The following MMS22L variants were observed in gnomAD, a reference collection of about 807,000 sequenced individuals.
MMS22L encodes the protein MMS22 like, DNA repair protein, also known as protein MMS22-like.
A neutral mutation model predicts 159.1 loss-of-function variants in MMS22L; 74 were observed. That is an observed-to-expected ratio of 0.47 (90% CI 0.39 to 0.56). The LOEUF (loss-of-function observed/expected upper bound fraction) is 0.56, where lower values mean the gene tolerates loss of function less well. Ranked by LOEUF, MMS22L falls within the 20% of genes least tolerant of loss-of-function variation. The probability of loss-of-function intolerance (pLI) is 0.00; values close to 1 mark genes in which losing one functional copy is unlikely to be tolerated. For missense variants in MMS22L, 1,351 were observed against 1,422.1 expected, an observed-to-expected ratio of 0.95 and a Z score of 0.80; for synonymous variants, 517 against 506.9, an observed-to-expected ratio of 1.02 and a Z score of -0.27.
intron 14 of MMS22L, among the ~76,000 whole-genome samples, chr6:97,223,395 T>C (rs1358874003): frequency 6.6e-6 from 1 of 152,098 alleles, no homozygotes; most frequent in East Asian, 1.9e-4. Flanking sequence ...ATATCATCAA[T>C]CTATATAATC....
chr6:97,181,980 T>C lies in MMS22L; in HGVS notation c.2308A>G (p.Ile770Val), dbSNP rs1417825222. The change falls in exon 16 of 25, where the codon ATT becomes GTT. Residue 770 changes from isoleucine (I) to valine (V), a missense_variant. By Grantham distance (29) the Ile-to-Val change is conservative. Transcript: ENST00000683635. The stretch of plus-strand genomic sequence containing the variant: ...ATATCATCCCAACCAAAAAGTTGAA[T>C]AATTGATATAACTGGCTGAGGCTGA... ...DFQPQPVISI[I>V]QLFGWDDIIC... 14 of 1,613,828 alleles carry C rather than the reference T, an allele frequency of 8.7e-6. No individual in the cohort carries two copies. The highest frequency in any genetic ancestry group is 1.2e-5 in the Non-Finnish European group (14 of 1,179,782).
At chr6:97,196,891 T>C (rs1024762947) in intron 14 of MMS22L, among the ~76,000 whole-genome samples, 3 of 152,168 alleles carry the variant, frequency 2.0e-5, no homozygotes, top group African/African-American at 7.2e-5. Context: ...CATTTGTATA[T>C]CTATATCTAT....
rs750163168 is a variant in MMS22L at position 97,178,451 on chromosome 6, A to AT, written c.2670dup (p.Phe891IlefsTer3). On this transcript the variant is annotated frameshift_variant, in exon 18 of 25. Transcript: ENST00000683635. LOFTEE classifies it high-confidence loss of function. ...TAATAAATGACAAATACCTCAAAGA[A>AT]TCGAACAAGTGCTTTTTTAGGGTCT... 6.5e-7 allele frequency: 1 copy of AT among 1,548,110 alleles called. No homozygotes were observed. The highest frequency in any genetic ancestry group is 1.4e-5 in the African/African-American group (1 of 71,960).
At chr6:97,242,408 T>C (rs1438173310) in intron 11 of MMS22L, among the ~76,000 whole-genome samples, 1 of 152,198 alleles carries the variant, frequency 6.6e-6, no homozygotes, top group African/African-American at 2.4e-5. Context: ...GATACAAGAA[T>C]AGCTACTTCT....
intron 19 of MMS22L, among the ~76,000 whole-genome samples, chr6:97,169,043 C>A (rs1803260971): frequency 6.6e-6 from 1 of 152,064 alleles, no homozygotes; most frequent in South Asian, 2.1e-4. Context: ...ATTGTTAATA[C>A]ATGGAAAGCA....
chr6:97,282,309 C>T lies in MMS22L; in HGVS notation c.164+5G>A. ...TGAGGGAAAATGTCTCTGAGTTTTA[C>T]CTACCGCTTAAGGGCTCCGCTGCAG... is the stretch of plus-strand genomic sequence containing the variant. On this transcript the variant is annotated splice_donor_5th_base_variant and intron_variant, in intron 2 of 24. Coordinates refer to ENST00000683635, the MANE Select transcript of MMS22L (RefSeq NM_001350599.2). The T allele has an allele frequency of 6.2e-7, 1 of 1,612,980 alleles. No homozygotes were observed. Among genetic ancestry groups the T allele is most frequent in the Non-Finnish European group, 8.5e-7 (1 of 1,179,554 alleles).
intron 10 of MMS22L, 185 bp downstream of exon 10, chr6:97,254,368 TTTAA>T: frequency 1.8e-6 from 1 of 556,218 alleles, no homozygotes; most frequent in Non-Finnish European, 3.0e-6. Context: ...AGTAATTTTT[TTTAA>T]TTAAACAATT....
intron 18 of MMS22L, among the ~76,000 whole-genome samples, chr6:97,176,154 T>G (rs530098359): frequency 3.9e-5 from 6 of 152,308 alleles, no homozygotes; most frequent in Middle Eastern, 3.4e-3. Context: ...TGTAAATGCA[T>G]GGCAGTATCA....
intron 11 of MMS22L, among the ~76,000 whole-genome samples, chr6:97,244,752 T>C (rs969423853): frequency 4.6e-5 from 7 of 152,124 alleles, no homozygotes; most frequent in African/African-American, 1.7e-4. Flanking sequence ...TACTCCTTAA[T>C]AAACTCCCAT....
intron 10 of MMS22L, 46 bp from the exon 11 acceptor site, chr6:97,246,736 T>C (rs768719288): frequency 1.5e-6 from 2 of 1,374,298 alleles, no homozygotes; most frequent in Non-Finnish European, 2.1e-6. Flanking sequence ...CTCTTGATTA[T>C]GCCTATATTT....
In MMS22L at chr6:97,251,252, A is replaced by T. The variant is rs150866631; in HGVS notation, c.1119+3305T>A. ...AGAGGCAATCCTTAGGAGAAATCTA[A>T]TATCAAGTTTATCTAAGAGATAAAA... is the stretch of plus-strand genomic sequence containing the variant. On this transcript the variant is annotated intron_variant, in intron 10 of 24. Transcript: ENST00000683635. Among the ~76,000 whole-genome samples, 34 of 152,282 alleles carry T rather than the reference A, an allele frequency of 2.2e-4. No homozygotes were observed. In the East Asian group the frequency reaches 4.3e-3, roughly 19 times the overall value.
At position 97,175,470 on chromosome 6, in the gene MMS22L, A is replaced by C. The variant is rs531878039; in HGVS notation, c.2680-2248T>G. ...TATTTCCTACAGATTAGTTGTAACTAAACCATGGTGTCTGAAACCATGTCA... is the reference window on the plus strand; with the variant it reads ...TATTTCCTACAGATTAGTTGTAACTCAACCATGGTGTCTGAAACCATGTCA... On this transcript the variant is annotated intron_variant, in intron 18 of 24. Coordinates refer to ENST00000683635, the MANE Select transcript of MMS22L (RefSeq NM_001350599.2). Among the ~76,000 whole-genome samples, 10 of 152,336 alleles carry C rather than the reference A, an allele frequency of 6.6e-5. No homozygotes were observed. The South Asian group carries it at 2.1e-3, about 32-fold the overall frequency.
intron 4 of MMS22L, among the ~76,000 whole-genome samples, chr6:97,275,309 A>G (rs1378435486): frequency 1.3e-5 from 2 of 151,994 alleles, no homozygotes; most frequent in Non-Finnish European, 1.5e-5. Context: ...CAGGCGAATC[A>G]CGAGGTCAGG....
At position 97,162,099 on chromosome 6, in the gene MMS22L, G is replaced by T. The variant is rs749836036; in HGVS notation, c.3288C>A (p.Ile1096=). The change falls in exon 22 of 25, where the codon ATC becomes ATA. Residue 1096 remains isoleucine (I), a synonymous_variant. Transcript: ENST00000683635. ...PPRLASILAF[I]LQLFKETNTD... ...TGTTAGTTTCCTTGAAGAGTTGGAG[G>T]ATGAAGGCCAGAATGGATGCTAAGC... The T allele has an allele frequency of 6.2e-7, 1 of 1,612,160 alleles. No individual in the cohort carries two copies. Among genetic ancestry groups the T allele is most frequent in the African/African-American group, 1.3e-5 (1 of 74,728 alleles).
Position 97,243,710 on chromosome 6 carries a change from A to G in MMS22L, c.1182+2918T>C, listed in dbSNP as rs1812326930. Among the ~76,000 whole-genome samples the G allele has an allele frequency of 2.0e-5, 3 of 152,060 alleles. No individual in the cohort carries two copies. The South Asian group carries it at 6.2e-4, about 32-fold the overall frequency. ...TTCTGGGTCCTTCTCATTTGGATAG[A>G]CCATATCCAGAGGAAAGATCTGAGA... On this transcript the variant is annotated intron_variant, in intron 11 of 24. Coordinates refer to ENST00000683635, the MANE Select transcript of MMS22L (RefSeq NM_001350599.2).
chr6:97,146,995 G>C, intron 24 of MMS22L, 108 bp from the exon 25 acceptor site: 1 of 707,336 alleles, frequency 1.4e-6, no homozygotes, highest in Non-Finnish European at 2.3e-6. Context: ...CATCTATTCA[G>C]CCATCCATCC....
chr6:97,220,316 A>G (rs948668022), intron 14 of MMS22L, among the ~76,000 whole-genome samples: 1 of 152,194 alleles, frequency 6.6e-6, no homozygotes, highest in Non-Finnish European at 1.5e-5. Flanking sequence ...AAAGACCATG[A>G]TAAGAAATGT....
chr6:97,282,073 C>A (rs191334915), intron 2 of MMS22L, among the ~76,000 whole-genome samples: 3 of 152,300 alleles, frequency 2.0e-5, no homozygotes, highest in Admixed American at 2.0e-4. Flanking sequence ...TAGTGCCCAG[C>A]TCCCTACAGT....
At chr6:97,278,736 C>T (rs1816476520) in intron 4 of MMS22L, 113 bp downstream of exon 4, 2 of 775,298 alleles carry the variant, frequency 2.6e-6, no homozygotes, top group East Asian at 5.6e-5. Context: ...AACTTCTGGC[C>T]TAATGCTTCC....
Sources: gnomAD v4.1 joint callset for allele counts (sites outside exome capture counted in the v4.1 genomes callset) on GRCh38, gnomAD v4.1.1 for gene constraint, MANE v1.5 for transcripts, NCBI Gene and HGNC (gene_info 2026-07-23, HGNC 2026-07-21) for gene names.